The following SASH1 variants were observed in gnomAD, a reference collection of about 807,000 sequenced individuals.
SASH1 encodes SAM and SH3 domain containing 1.
SASH1 carries 44 observed loss-of-function variants against 125.2 expected under a neutral mutation model. The observed-to-expected ratio is 0.35, with a 90% CI of 0.28 to 0.45. The LOEUF is 0.45. Among genes scored for constraint, SASH1 ranks in the 20% least tolerant of loss-of-function variants. The pLI is 1.00. For synonymous variants in SASH1, 639 were observed against 649.1 expected (o/e 0.98, Z 0.24); for missense variants, 1,426 against 1,614.5 (o/e 0.88, Z 2.00).
At chr6:148,411,166 CAAAAAAAAAA>C (rs56342457) in intron 2 of SASH1, among the ~76,000 whole-genome samples, 201 of 46,200 alleles carry the variant, frequency 4.4e-3, no homozygotes, top group African/African-American at 0.016. Flanking sequence ...ACTCCATCTC[CAAAAAAAAAA>C]AAAAAAAAAA....
At chr6:148,450,195 A>C (rs150342554) in intron 4 of SASH1, among the ~76,000 whole-genome samples, 125 of 152,216 alleles carry the variant, frequency 8.2e-4, no homozygotes, top group African/African-American at 2.7e-3. Flanking sequence ...TTGCTTTTGG[A>C]TTTATCTCCC....
chr6:148,487,090 T>TACAC (rs1448530373), intron 7 of SASH1, among the ~76,000 whole-genome samples: 86 of 100,706 alleles, frequency 8.5e-4, no homozygotes, highest in African/African-American at 1.4e-3. Flanking sequence ...AACACATATA[T>TACAC]ATACACACAC....
intron 1 of SASH1, among the ~76,000 whole-genome samples, chr6:148,335,464 CAAAAAAA>C (rs534202487): frequency 3.8e-5 from 3 of 79,910 alleles, no homozygotes; most frequent in African/African-American, 4.5e-5. Flanking sequence ...GACTCTGTCT[CAAAAAAA>C]AAAAAAAAAA....
At position 148,533,821 on chromosome 6, in the gene SASH1, G is replaced by A. The variant is rs771715824; in HGVS notation, c.1785G>A (p.Met595Ile). ...GCAAGCCACCCATGGGGACCTGGATGGGCCTGCTGAACAACAAAGTCGGCA... is the reference window on the plus strand; with the variant it reads ...GCAAGCCACCCATGGGGACCTGGATAGGCCTGCTGAACAACAAAGTCGGCA... ...IISKPPMGTW[M>I]GLLNNKVGTF... Residue 595 changes from methionine to isoleucine, a missense_variant, in exon 15 of 20, where the codon ATG (methionine) becomes ATA (isoleucine). Physicochemically the swap from Met to Ile is conservative, Grantham distance 10. This residue lies in a region of SASH1 where 225 missense variants were observed against 344.5 expected (regional missense o/e 0.65). Coordinates refer to ENST00000367467, the MANE Select transcript of SASH1 (RefSeq NM_015278.5). The surrounding 1 kb of genome is among the most constrained non-coding windows in gnomAD (Gnocchi z 6.2). 2 of 1,613,880 alleles carry A rather than the reference G, an allele frequency of 1.2e-6. No homozygotes were observed. The highest frequency in any genetic ancestry group is 1.7e-6 in the Non-Finnish European group (2 of 1,179,994).
chr6:148,278,660 A>C (rs755440738), intron 1 of SASH1: 7 of 152,184 alleles, frequency 4.6e-5, no homozygotes, highest in African/African-American at 7.2e-5. Flanking sequence ...TCATTAGAAA[A>C]AAGAAAATTC....
rs532489451 is a variant in SASH1, at chr6:148,374,789, C to T, written c.157-15345C>T. Among the ~76,000 whole-genome samples the T allele has an allele frequency of 3.3e-5, 5 of 152,190 alleles. No homozygotes were observed. In the East Asian group the frequency reaches 9.7e-4, roughly 29 times the overall value. On this transcript the variant is annotated intron_variant, in intron 1 of 19. Transcript: ENST00000367467. ...CTCAGCTCACTGCAACCTCCGTCTT[C>T]TGGGTTCAAGCGATCTCCTGCCTCA...
intron 17 of SASH1, among the ~76,000 whole-genome samples, 153 bp from the exon 18 acceptor site, chr6:148,543,527 C>G (rs1327952417): frequency 1.3e-5 from 2 of 152,088 alleles, no homozygotes; most frequent in Non-Finnish European, 2.9e-5. Context: ...CCCTCTATCA[C>G]CCGATGTCAT....
rs908011420 is a variant in SASH1, at chr6:148,532,305, C to A, written c.1565-492C>A. On this transcript the variant is annotated intron_variant, in intron 13 of 19. Transcript: ENST00000367467. The surrounding 1 kb of genome is among the most constrained non-coding windows in gnomAD (Gnocchi z 4.7). ...GGCTGGTGGAACTCCTGGACTCAAG[C>A]GATCTGCCCACCTCGGCCTCCTAAA... Among the ~76,000 whole-genome samples the A allele has an allele frequency of 1.3e-5, 2 of 152,112 alleles. No homozygotes were observed. Among genetic ancestry groups the A allele is most frequent in the Non-Finnish European group, 2.9e-5 (2 of 68,028 alleles).
upstream of SASH1, among the ~76,000 whole-genome samples, chr6:148,338,551 G>C (rs1333559748): frequency 6.6e-6 from 1 of 152,156 alleles, no homozygotes; most frequent in Non-Finnish European, 1.5e-5. Context: ...TCTGTAAAAT[G>C]AAGGATTTGA....
chr6:148,371,398 A>C (rs1456023423), intron 1 of SASH1, among the ~76,000 whole-genome samples: 1 of 151,008 alleles, frequency 6.6e-6, no homozygotes, highest in Non-Finnish European at 1.5e-5. Context: ...CTGGGATTAC[A>C]GGCACCCGCC....
rs879855515 is a variant in SASH1 at position 148,512,025 on chromosome 6, A to ATTTT, written c.730-2296_730-2295insTTTT. Among the ~76,000 whole-genome samples, 179 of 151,338 alleles carry ATTTT rather than the reference A, an allele frequency of 1.2e-3. 1 individual carries two copies. Among genetic ancestry groups the ATTTT allele is most frequent in the African/African-American group, 4.1e-3 (167 of 41,224 alleles). On this transcript the variant is annotated intron_variant, in intron 8 of 19. Transcript: ENST00000367467. ...TCAACATTTATTTATTTATTTATTTATTTATTTTTTTGAGACAGAGTCTCG... is the reference window on the plus strand; with the variant it reads ...TCAACATTTATTTATTTATTTATTTATTTTTTTATTTTTTTGAGACAGAGTCTCG...
the SASH1 span, among the ~76,000 whole-genome samples, chr6:148,211,820 C>G: frequency 6.6e-6 from 1 of 152,286 alleles, no homozygotes; most frequent in African/African-American, 2.4e-5. Flanking sequence ...GACGGCTGCT[C>G]CCTGTCGTGA....
the SASH1 span, among the ~76,000 whole-genome samples, chr6:148,206,241 T>A: frequency 2.6e-5 from 4 of 152,226 alleles, no homozygotes; most frequent in Admixed American, 2.6e-4. Context: ...GAGCACCTGA[T>A]GGAGAAGTCA....
chr6:148,260,139 G>A, the SASH1 span, among the ~76,000 whole-genome samples: 14 of 152,204 alleles, frequency 9.2e-5, 1 homozygote, highest in South Asian at 2.9e-3. Flanking sequence ...TTTCATGCAA[G>A]TTTGAATATA....
chr6:148,523,511 T>G (rs963566015), intron 10 of SASH1, among the ~76,000 whole-genome samples: 5 of 152,224 alleles, frequency 3.3e-5, no homozygotes, highest in Non-Finnish European at 7.3e-5. Context: ...CCATTGATAT[T>G]TAATACAGAA....
At chr6:148,527,299 G>T in intron 11 of SASH1, 154 bp from the exon 12 acceptor site, 1 of 595,244 alleles carries the variant, frequency 1.7e-6, no homozygotes, top group Non-Finnish European at 2.7e-6. Flanking sequence ...TTTAATCAAA[G>T]AGATAAATAA....
intron 1 of SASH1, among the ~76,000 whole-genome samples, chr6:148,285,474 T>C (rs1779458410): frequency 6.6e-6 from 1 of 152,202 alleles, no homozygotes. Flanking sequence ...CACCACTTTC[T>C]GGGATAGTAG....
At chr6:148,340,179 CTTCT>C (rs1290290216), upstream of SASH1, among the ~76,000 whole-genome samples, 8 of 152,226 alleles carry the variant, frequency 5.3e-5, no homozygotes, top group Admixed American at 3.3e-4. Context: ...TCCTCTGCAT[CTTCT>C]TAAATTTAAG....
At chr6:148,287,908 C>T (rs1298234270) in intron 1 of SASH1, among the ~76,000 whole-genome samples, 2 of 152,156 alleles carry the variant, frequency 1.3e-5, no homozygotes, top group African/African-American at 4.8e-5. Flanking sequence ...TTTGTTGGTA[C>T]AGTATGGAAC....
Sources: gnomAD v4.1 joint callset for allele counts (sites outside exome capture counted in the v4.1 genomes callset) on GRCh38, gnomAD v4.1.1 for gene constraint, gnomAD v4.1.1 regional missense constraint, Gnocchi (gnomAD v3.1) non-coding constraint, MANE v1.5 for transcripts, NCBI Gene and HGNC (gene_info 2026-07-23, HGNC 2026-07-21) for gene names.